The following MRPL39 variants were observed in gnomAD, a reference collection of about 807,000 sequenced individuals.
MRPL39 encodes the protein mitochondrial ribosomal protein L39.
Under a neutral mutation model 44.5 loss-of-function variants are expected in MRPL39, and 35 were observed. That is an observed-to-expected ratio of 0.79 (90% CI 0.60 to 1.04). MRPL39 has a LOEUF of 1.04. MRPL39 is among the 50% of genes least tolerant of loss of function. The probability of loss-of-function intolerance (pLI) is 0.00; values close to 1 mark genes in which losing one functional copy is unlikely to be tolerated. For missense variants in MRPL39, 433 were observed against 413.5 expected (o/e 1.05, Z -0.41); for synonymous variants, 139 against 136.1 (o/e 1.02, Z -0.15).
At chr21:25,607,570 C>G, upstream of MRPL39, 6 of 1,303,572 alleles carry the variant, frequency 4.6e-6, no homozygotes, top group Admixed American at 2.1e-5. Flanking sequence ...AGGTCTGTTC[C>G]GGACCCAGCA....
chr21:25,585,766 TGA>T lies in MRPL39; in HGVS notation c.970-14_970-13del. ...TGATCTTCAGTTACCTGTAAAAACATGAATAGCTTTACTTTCCTAATAAACAC... is the reference window on the plus strand; with the variant it reads ...TGATCTTCAGTTACCTGTAAAAACATATAGCTTTACTTTCCTAATAAACAC... On this transcript the variant is annotated splice_polypyrimidine_tract_variant and intron_variant, in intron 9 of 9. Coordinates refer to ENST00000352957, the MANE Select transcript of MRPL39 (RefSeq NM_017446.4). 6.3e-7 allele frequency: 1 copy of T among 1,577,078 alleles called. No individual in the cohort carries two copies. Among genetic ancestry groups the T allele is most frequent in the Non-Finnish European group, 8.7e-7 (1 of 1,153,572 alleles).
intron 2 of MRPL39, among the ~76,000 whole-genome samples, 164 bp from the exon 3 acceptor site, chr21:25,604,099 C>A (rs1301170730): frequency 6.6e-6 from 1 of 150,630 alleles, no homozygotes; most frequent in Non-Finnish European, 1.5e-5. Context: ...AAAAAAAAAA[C>A]CCTACAAAAA....
At chr21:25,597,444 A>G in intron 5 of MRPL39, 30 bp from the exon 6 acceptor site, 1 of 1,259,016 alleles carries the variant, frequency 7.9e-7, no homozygotes, top group Non-Finnish European at 1.1e-6. Flanking sequence ...ACCTTTAGTA[A>G]CAATTCACTG....
chr21:25,607,449 C>A lies in MRPL39; in HGVS notation c.27G>T (p.Arg9=), dbSNP rs2031723695. The A allele has an allele frequency of 6.2e-7, 1 of 1,612,968 alleles. No individual in the cohort carries two copies. The highest frequency in any genetic ancestry group is 1.3e-5 in the African/African-American group (1 of 74,914). The change falls in exon 1 of 10, where the codon CGG becomes CGT. Residue 9 remains arginine, a synonymous_variant. Coordinates refer to ENST00000352957, the MANE Select transcript of MRPL39 (RefSeq NM_017446.4). ...GTGCGACCAGCCAGAGCCGCAGCGCCCGGGAACCCATGGCCAGCGCCTCCA... is the reference window on the plus strand; with the variant it reads ...GTGCGACCAGCCAGAGCCGCAGCGCACGGGAACCCATGGCCAGCGCCTCCA... The part of the protein sequence containing the change: MEALAMGS[R]ALRLWLVAPG...
chr21:25,603,955 T>G lies in MRPL39; in HGVS notation c.281-20A>C, dbSNP rs765747200. 3 of 1,594,612 alleles carry G rather than the reference T, an allele frequency of 1.9e-6. No individual in the cohort carries two copies. In the South Asian group the frequency reaches 3.5e-5, roughly 18 times the overall value. ...TTAAATCTAGAAATTTAAAACAGACTGATTATCTAACAAAATCCAGAGTGA... is the reference window on the plus strand; with the variant it reads ...TTAAATCTAGAAATTTAAAACAGACGGATTATCTAACAAAATCCAGAGTGA... On this transcript the variant is annotated intron_variant, in intron 2 of 9. Coordinates refer to ENST00000352957, the MANE Select transcript of MRPL39 (RefSeq NM_017446.4).
At chr21:25,596,278 T>C (rs1443471018) in intron 6 of MRPL39, among the ~76,000 whole-genome samples, 1 of 152,182 alleles carries the variant, frequency 6.6e-6, no homozygotes, top group African/African-American at 2.4e-5. Context: ...TTTTGTATTT[T>C]TAAAAGAGAC....
At chr21:25,586,172 T>C (rs1239083872) in intron 9 of MRPL39, among the ~76,000 whole-genome samples, 1 of 152,212 alleles carries the variant, frequency 6.6e-6, no homozygotes, top group African/African-American at 2.4e-5. Context: ...TCCCTATTTC[T>C]ATTCTGTGTC....
intron 2 of MRPL39, among the ~76,000 whole-genome samples, chr21:25,604,243 A>G (rs1177119447): frequency 1.3e-5 from 2 of 152,120 alleles, no homozygotes; most frequent in African/African-American, 4.8e-5. Flanking sequence ...TGGGTGACAG[A>G]GCGAGACTCT....
chr21:25,592,498 G>GC (rs2031209653), intron 8 of MRPL39, among the ~76,000 whole-genome samples: 1 of 152,116 alleles, frequency 6.6e-6, no homozygotes, highest in Non-Finnish European at 1.5e-5. Context: ...CCAAATTTAA[G>GC]CTTAAAAGGC....
chr21:25,590,211 C>T (rs2829808), intron 8 of MRPL39, among the ~76,000 whole-genome samples: 11,907 of 151,924 alleles, frequency 0.078, 1,163 homozygotes, highest in African/African-American at 0.22. Context: ...AAAGGACTTG[C>T]GGATGGATGG....
upstream of MRPL39, among the ~76,000 whole-genome samples, chr21:25,607,737 G>T (rs1315749166): frequency 1.3e-5 from 2 of 152,296 alleles, no homozygotes; most frequent in Admixed American, 6.5e-5. Context: ...TCGGCCTGCC[G>T]CCCACCACGT....
chr21:25,607,549 T>A, upstream of MRPL39: 4 of 1,498,480 alleles, frequency 2.7e-6, no homozygotes, highest in Non-Finnish European at 3.6e-6. Context: ...GCACTCGGAG[T>A]TCCGCAGGAC....
chr21:25,595,165 C>A (rs369127672), intron 6 of MRPL39, among the ~76,000 whole-genome samples: 3 of 152,298 alleles, frequency 2.0e-5, no homozygotes, highest in African/African-American at 7.2e-5. Context: ...TGTGTAGGTG[C>A]ACCACAGGTG....
At chr21:25,588,089 A>G (rs866372978) in intron 9 of MRPL39, among the ~76,000 whole-genome samples, 4 of 152,158 alleles carry the variant, frequency 2.6e-5, no homozygotes, top group African/African-American at 9.7e-5. Context: ...AGGGGGGTGG[A>G]TCACGAGGTC....
intron 5 of MRPL39, among the ~76,000 whole-genome samples, chr21:25,599,116 A>G (rs1428173879): frequency 6.6e-6 from 1 of 152,230 alleles, no homozygotes; most frequent in Non-Finnish European, 1.5e-5. Flanking sequence ...GATAACCATC[A>G]GCACCCCTTA....
At chr21:25,595,138 G>T (rs2031317159) in intron 6 of MRPL39, among the ~76,000 whole-genome samples, 1 of 152,174 alleles carries the variant, frequency 6.6e-6, no homozygotes, top group African/African-American at 2.4e-5. Context: ...TTACCTCAGG[G>T]TGCTAAACAA....
At position 25,594,254 on chromosome 21, in the gene MRPL39, T is replaced by TAC. The variant is rs1355107439; in HGVS notation, c.702-297_702-296insGT. 6.1e-5 allele frequency among the ~76,000 whole-genome samples: 9 copies of TAC among 147,836 alleles called. 1 individual carries two copies. The highest frequency in any genetic ancestry group is 1.0e-4 in the Non-Finnish European group (7 of 66,824). On this transcript the variant is annotated intron_variant, in intron 6 of 9. Coordinates refer to ENST00000352957, the MANE Select transcript of MRPL39 (RefSeq NM_017446.4). ...TCCATTTTTATTTCTTTGTTCTTTT[T>TAC]TTTTTTTTTTTTTTTGAGGCAGGGT...
intron 6 of MRPL39, among the ~76,000 whole-genome samples, chr21:25,595,716 G>C (rs1014170067): frequency 6.6e-6 from 1 of 152,050 alleles, no homozygotes; most frequent in Non-Finnish European, 1.5e-5. Context: ...CATTTTAGAT[G>C]TATCATTTAA....
At chr21:25,603,555 T>G (rs1198038737) in intron 3 of MRPL39, among the ~76,000 whole-genome samples, 2 of 152,086 alleles carry the variant, frequency 1.3e-5, no homozygotes, top group East Asian at 3.8e-4. Context: ...GATTAATGAA[T>G]GTAAGTTGAA....
Sources: gnomAD v4.1 joint callset for allele counts (sites outside exome capture counted in the v4.1 genomes callset) on GRCh38, gnomAD v4.1.1 for gene constraint, MANE v1.5 for transcripts, NCBI Gene and HGNC (gene_info 2026-07-23, HGNC 2026-07-21) for gene names.